The following SUGCT variants were observed in gnomAD, a reference collection of about 807,000 sequenced individuals.
SUGCT encodes succinyl-CoA:glutarate CoA-transferase.
In SUGCT, 41 loss-of-function variants were observed where a neutral mutation model predicts 55.0. The ratio of observed to expected loss-of-function variants is 0.74; its 90% CI spans 0.58 to 0.97. The LOEUF is 0.97. Ranked by LOEUF, SUGCT falls within the 50% of genes least tolerant of loss-of-function variation. The probability of loss-of-function intolerance (pLI) is 0.00; values close to 1 mark genes in which losing one functional copy is unlikely to be tolerated. For synonymous variants in SUGCT, 187 were observed against 200.4 expected, an observed-to-expected ratio of 0.93 and a Z score of 0.56; for missense variants, 568 against 547.8, an observed-to-expected ratio of 1.04 and a Z score of -0.37.
chr7:40,565,967 TCA>T (rs377518526), intron 12 of SUGCT, among the ~76,000 whole-genome samples: 4,787 of 134,254 alleles, frequency 0.036, 97 homozygotes, highest in African/African-American at 0.063. Flanking sequence ...ACCTGGCATA[TCA>T]CACACACACA....
chr7:40,343,028 A>G (rs1263617508), intron 9 of SUGCT, among the ~76,000 whole-genome samples: 1 of 152,200 alleles, frequency 6.6e-6, no homozygotes, highest in African/African-American at 2.4e-5. Flanking sequence ...CACATGGCAT[A>G]TAAGAAGGTT....
At chr7:40,483,539 T>C (rs1791171591) in intron 11 of SUGCT, among the ~76,000 whole-genome samples, 1 of 151,902 alleles carries the variant, frequency 6.6e-6, no homozygotes, top group Non-Finnish European at 1.5e-5. Context: ...AGGACAAGAG[T>C]AATAATTTGT....
chr7:40,298,546 A>G (rs1794321141), intron 8 of SUGCT, among the ~76,000 whole-genome samples: 1 of 152,162 alleles, frequency 6.6e-6, no homozygotes, highest in African/African-American at 2.4e-5. Context: ...AGAGACTGAT[A>G]TGTGCAATCA....
the SUGCT span, among the ~76,000 whole-genome samples, chr7:40,875,982 T>C: frequency 1.6e-4 from 24 of 152,200 alleles, no homozygotes; most frequent in Admixed American, 1.2e-3. Context: ...AGCTTTGGAA[T>C]GAAATCAATA....
intron 12 of SUGCT, among the ~76,000 whole-genome samples, chr7:40,734,396 C>A (rs1434732732): frequency 1.3e-5 from 2 of 152,182 alleles, no homozygotes; most frequent in Non-Finnish European, 2.9e-5. Flanking sequence ...CACCTTTTAC[C>A]TTAACTTACA....
chr7:41,022,582 C>G, the SUGCT span, among the ~76,000 whole-genome samples: 1 of 151,836 alleles, frequency 6.6e-6, no homozygotes, highest in African/African-American at 2.4e-5. Context: ...ATATTAAAAC[C>G]AAGTATTTGA....
intron 12 of SUGCT, among the ~76,000 whole-genome samples, chr7:40,544,400 T>C (rs1285338680): frequency 6.6e-6 from 1 of 152,128 alleles, no homozygotes; most frequent in African/African-American, 2.4e-5. Context: ...CCACACCCTC[T>C]GACCCAGACG....
At chr7:40,411,307 C>T (rs1015237773) in intron 9 of SUGCT, among the ~76,000 whole-genome samples, 1 of 152,148 alleles carries the variant, frequency 6.6e-6, no homozygotes, top group Non-Finnish European at 1.5e-5. Flanking sequence ...GCAAGAGCAT[C>T]GCTTGAGCCT....
intron 6 of SUGCT, among the ~76,000 whole-genome samples, chr7:40,214,696 A>T (rs531756626): frequency 6.6e-6 from 1 of 152,162 alleles, no homozygotes; most frequent in East Asian, 1.9e-4. Context: ...GGTGGGGGTC[A>T]TGAGGTCAGG....
intron 10 of SUGCT, among the ~76,000 whole-genome samples, chr7:40,450,048 CCTCCAGAGGAGCTGGGATGA>C (rs2151429571): frequency 6.6e-6 from 1 of 152,276 alleles, no homozygotes; most frequent in Admixed American, 6.5e-5. Context: ...CCTGCCTCAG[CCTCCAGAGGAGCTGGGATGA>C]CAGGTGCGTG....
chr7:40,898,945 C>G, the SUGCT span, among the ~76,000 whole-genome samples: 201 of 151,970 alleles, frequency 1.3e-3, 2 homozygotes, highest in African/African-American at 4.8e-3. Flanking sequence ...TTGGAACTGC[C>G]ACATTTAAGT....
chr7:40,531,638 A>G (rs116738781), intron 12 of SUGCT, among the ~76,000 whole-genome samples: 3,659 of 151,812 alleles, frequency 0.024, 143 homozygotes, highest in African/African-American at 0.085. Flanking sequence ...ATTGAGTATG[A>G]GACAAATATA....
At chr7:40,998,583 T>C in the SUGCT span, among the ~76,000 whole-genome samples, 1 of 152,238 alleles carries the variant, frequency 6.6e-6, no homozygotes, top group Non-Finnish European at 1.5e-5. Flanking sequence ...TGCTGGCTTA[T>C]TGTTACATCA....
At chr7:40,370,787 TAGTA>T (rs1402368111) in intron 9 of SUGCT, among the ~76,000 whole-genome samples, 3 of 152,128 alleles carry the variant, frequency 2.0e-5, no homozygotes, top group African/African-American at 7.2e-5. Flanking sequence ...TATTACTTCT[TAGTA>T]AGAAAAAAGT....
rs1179779761 is a variant in SUGCT, at chr7:40,365,552, A to T, written c.816+48697A>T. Among the ~76,000 whole-genome samples, 4 of 152,198 alleles carry T rather than the reference A, an allele frequency of 2.6e-5. No homozygotes were observed. In the East Asian group the frequency reaches 5.8e-4, roughly 22 times the overall value. On this transcript the variant is annotated intron_variant, in intron 9 of 13. Transcript: ENST00000335693. ...CTAAAATCTCCTTAAGCTGATAAGC[A>T]ACTTCAGCAAAGTCTCAGGATACAA...
intron 7 of SUGCT, among the ~76,000 whole-genome samples, chr7:40,271,748 C>T (rs1040379221): frequency 8.6e-5 from 13 of 151,960 alleles, no homozygotes; most frequent in African/African-American, 2.4e-4. Context: ...CTATAGTCAC[C>T]GTACTGATCT....
At chr7:40,622,674 C>A (rs1183871173) in intron 12 of SUGCT, among the ~76,000 whole-genome samples, 1 of 151,352 alleles carries the variant, frequency 6.6e-6, no homozygotes, top group Non-Finnish European at 1.5e-5. Flanking sequence ...TCAGTTTTAT[C>A]AGCCAATAAC....
intron 13 of SUGCT, among the ~76,000 whole-genome samples, chr7:40,770,679 A>G (rs937011879): frequency 6.6e-6 from 1 of 152,210 alleles, no homozygotes; most frequent in African/African-American, 2.4e-5. Flanking sequence ...ACTGGAAAAC[A>G]GATGCCCTAT....
the SUGCT span, among the ~76,000 whole-genome samples, chr7:40,932,715 A>C: frequency 2.0e-5 from 3 of 149,850 alleles, no homozygotes; most frequent in African/African-American, 7.4e-5. Context: ...TGTTGGTTTC[A>C]AGTCTGCTTT....
Sources: allele counts gnomAD v4.1 joint callset (sites outside exome capture counted in the v4.1 genomes callset), GRCh38; gene constraint gnomAD v4.1.1; transcripts MANE v1.5; gene names NCBI Gene and HGNC (gene_info 2026-07-23, HGNC 2026-07-21).